TBC1D8B: variants seen among roughly 807,000 people sequenced by gnomAD.
TBC1D8B encodes the protein TBC1 domain family member 8B, also known as RP11-321G1.1.
A neutral mutation model predicts 82.9 loss-of-function variants in TBC1D8B; 75 were observed. That is an observed-to-expected ratio of 0.90 (90% CI 0.75 to 1.10). TBC1D8B has a LOEUF of 1.10. TBC1D8B is among the 50% of genes least tolerant of loss of function. The pLI is 0.00. For missense variants in TBC1D8B, 794 were observed against 796.9 expected (o/e 1.00, Z 0.04); for synonymous variants, 276 against 276.8 (o/e 1.00, Z 0.03).
In TBC1D8B at chrX:106,873,624, G is replaced by A; in HGVS notation, c.3022G>A (p.Glu1008Lys). 1 of 1,209,922 alleles carries A rather than the reference G, an allele frequency of 8.3e-7. No individual in the cohort carries two copies. Among genetic ancestry groups the A allele is most frequent in the Non-Finnish European group, 1.1e-6 (1 of 894,647 alleles). Reference sequence around the variant, plus strand: ...CTATAACTTATTTCATGAGGACCCTGAAGAAGAATCATTATATCAAGCCAT... The same window carrying A: ...CTATAACTTATTTCATGAGGACCCTAAAGAAGAATCATTATATCAAGCCAT... The part of the protein sequence containing the change: ...TLYNLFHEDP[E>K]EESLYQAIAV... The change falls in exon 21 of 21, where the codon GAA (glutamate) becomes AAA (lysine). Residue 1008 changes from glutamate (E) to lysine (K), a missense_variant. Coordinates refer to ENST00000357242, the MANE Select transcript of TBC1D8B (RefSeq NM_017752.3).
intron 1 of TBC1D8B, chrX:106,814,077 A>G (rs1931460944): frequency 9.8e-6 from 1 of 101,983 alleles, no homozygotes. Flanking sequence ...CTCATTGTTC[A>G]ATTCCCATCT....
chrX:106,826,089 G>C lies in TBC1D8B; in HGVS notation c.887G>C (p.Gly296Ala). The C allele has an allele frequency of 8.3e-7, 1 of 1,210,717 alleles. No homozygotes were observed. Among genetic ancestry groups the C allele is most frequent in the Non-Finnish European group, 1.1e-6 (1 of 895,008 alleles). ...QFNAFFRLPK[G>A]ESLKEVHECF... ...AATGCCTTTTTTAGGCTGCCCAAAG[G>C]AGAGAGTTTGAAAGAAGTACATGAA... Residue 296 changes from glycine (G) to alanine (A), a missense_variant, in exon 6 of 21, where the codon GGA (glycine) becomes GCA (alanine). Transcript: ENST00000357242.
At chrX:106,812,273 C>T (rs754323977) in intron 1 of TBC1D8B, among the ~76,000 whole-genome samples, 1 of 111,499 alleles carries the variant, frequency 9.0e-6, no homozygotes, top group East Asian at 2.8e-4. Context: ...GAATATATTT[C>T]CTGCTAAGTG....
intron 1 of TBC1D8B, among the ~76,000 whole-genome samples, chrX:106,813,598 A>G (rs888458634): frequency 8.9e-6 from 1 of 112,123 alleles, no homozygotes; most frequent in Non-Finnish European, 1.9e-5. Context: ...GTTATCTTTT[A>G]TCTTTATCTG....
intron 7 of TBC1D8B, among the ~76,000 whole-genome samples, chrX:106,831,654 C>G (rs966692560): frequency 1.8e-5 from 2 of 111,833 alleles, no homozygotes; most frequent in Admixed American, 9.6e-5. Flanking sequence ...CCCCTTAAAA[C>G]TTTCATGTGC....
At chrX:106,831,420 T>C (rs1932044264) in intron 7 of TBC1D8B, among the ~76,000 whole-genome samples, 2 of 111,376 alleles carry the variant, frequency 1.8e-5, no homozygotes, top group African/African-American at 6.5e-5. Context: ...TCTCATTCTC[T>C]TTTAGTATGT....
At chrX:106,848,755 G>T (rs945584865) in intron 11 of TBC1D8B, among the ~76,000 whole-genome samples, 8 of 110,337 alleles carry the variant, frequency 7.3e-5, no homozygotes, top group African/African-American at 2.3e-4. Context: ...TTCTTAGTTT[G>T]TTAATTGTAT....
chrX:106,831,161 A>G (rs1366088064), intron 7 of TBC1D8B, among the ~76,000 whole-genome samples: 1 of 110,884 alleles, frequency 9.0e-6, no homozygotes, highest in Non-Finnish European at 1.9e-5. Context: ...GAAAAACTAA[A>G]TGTGTCTTTA....
At chrX:106,806,571 G>A (rs1343679761) in intron 1 of TBC1D8B, among the ~76,000 whole-genome samples, 4 of 111,455 alleles carry the variant, frequency 3.6e-5, no homozygotes, top group Admixed American at 9.6e-5. Flanking sequence ...TCTAGTATAT[G>A]GGATTTAGGA....
At chrX:106,817,437 A>G (rs1045327415) in intron 1 of TBC1D8B, among the ~76,000 whole-genome samples, 2 of 111,770 alleles carry the variant, frequency 1.8e-5, no homozygotes, top group Non-Finnish European at 3.8e-5. Flanking sequence ...TGCTGACATG[A>G]TGCCGCAAAT....
chrX:106,802,982 A>G lies in TBC1D8B; in HGVS notation c.129A>G (p.Thr43=), dbSNP rs746882317. The G allele has an allele frequency of 8.3e-7, 1 of 1,201,073 alleles. No homozygotes were observed. Among genetic ancestry groups the G allele is most frequent in the Non-Finnish European group, 1.1e-6 (1 of 890,914 alleles). The part of the protein sequence containing the change: ...GYGEEGGGGL[T]GLLVGTLDSV... Reference sequence around the variant, plus strand: ...GGGAGGAAGGCGGAGGGGGGCTCACAGGTAAGCTGTGGCCACCCTACCTGC... The same window carrying G: ...GGGAGGAAGGCGGAGGGGGGCTCACGGGTAAGCTGTGGCCACCCTACCTGC... The change falls in exon 1 of 21, where the codon ACA becomes ACG. Residue 43 remains threonine, a splice_region_variant and synonymous_variant. Transcript: ENST00000357242.
intron 18 of TBC1D8B, 132 bp from the exon 19 acceptor site, chrX:106,869,353 G>A (rs1446991950): frequency 2.4e-6 from 1 of 423,538 alleles, no homozygotes; most frequent in Non-Finnish European, 3.9e-6. Context: ...CTGATGATAG[G>A]TCAAGTCAGC....
chrX:106,840,044 A>T lies in TBC1D8B; in HGVS notation c.1354-4A>T. 1 of 1,189,995 alleles carries T rather than the reference A, an allele frequency of 8.4e-7. No homozygotes were observed. Among genetic ancestry groups the T allele is most frequent in the Non-Finnish European group, 1.1e-6 (1 of 885,978 alleles). ...TAGTTGTTTTGATTTTTCTGTCATT[A>T]CAGTTGAAAGAAAAAATGAAGGAAC... On this transcript the variant is annotated splice_region_variant and splice_polypyrimidine_tract_variant and intron_variant, in intron 8 of 20. Transcript: ENST00000357242.
intron 12 of TBC1D8B, among the ~76,000 whole-genome samples, chrX:106,852,266 GT>G (rs1209097121): frequency 9.9e-6 from 1 of 100,675 alleles, no homozygotes; most frequent in African/African-American, 3.6e-5. Flanking sequence ...GGGGTTGTTT[GT>G]TTTTTTCTTG....
At chrX:106,840,526 T>C in intron 9 of TBC1D8B, 144 bp from the exon 10 acceptor site, 1 of 557,362 alleles carries the variant, frequency 1.8e-6, no homozygotes, top group South Asian at 3.2e-5. Context: ...GATTCTAGTG[T>C]AAAGCTCTTT....
Position 106,875,334 on chromosome X carries a change from T to C in TBC1D8B, c.*1369T>C, listed in dbSNP as rs1229918247. On this transcript the variant is annotated 3_prime_UTR_variant, in exon 21 of 21. Coordinates refer to ENST00000357242, the MANE Select transcript of TBC1D8B (RefSeq NM_017752.3). ...AGAGGTCTCCCTTTCTTGGAGGGAG[T>C]TGGTACAGTCAGCCTTTGGGAAGAA... The C allele has an allele frequency of 9.0e-6, 1 of 111,355 alleles. No individual in the cohort carries two copies. The highest frequency in any genetic ancestry group is 3.8e-4 in the South Asian group (1 of 2,615). 9.2% of individuals were successfully genotyped at this position (111,355 alleles called of 1,213,427 possible).
chrX:106,814,510 G>C (rs1442147331), intron 1 of TBC1D8B: 7 of 106,566 alleles, frequency 6.6e-5, no homozygotes, highest in Non-Finnish European at 1.2e-4. Context: ...AAACATACGT[G>C]TGCATGTGTC....
At chrX:106,844,498 TATATATATAAAC>T (rs2147755862) in intron 10 of TBC1D8B, among the ~76,000 whole-genome samples, 1 of 103,059 alleles carries the variant, frequency 9.7e-6, no homozygotes, top group African/African-American at 3.7e-5. Context: ...TATATAAACA[TATATATATAAAC>T]ATATATATAT....
intron 14 of TBC1D8B, among the ~76,000 whole-genome samples, chrX:106,856,649 T>A (rs1932703490): frequency 9.0e-6 from 1 of 111,350 alleles, no homozygotes; most frequent in African/African-American, 3.3e-5. Flanking sequence ...GCTTTATTTT[T>A]GGACTCTCTT....
Sources: gnomAD v4.1 joint callset for allele counts (sites outside exome capture counted in the v4.1 genomes callset) on GRCh38, gnomAD v4.1.1 for gene constraint, MANE v1.5 for transcripts, NCBI Gene and HGNC (gene_info 2026-07-23, HGNC 2026-07-21) for gene names.